Variants in WDPCP observed in about 807,000 individuals in gnomAD.
The protein encoded by WDPCP is WD repeat-containing and planar cell polarity effector protein fritz homolog.
A neutral mutation model predicts 93.1 loss-of-function variants in WDPCP; 71 were observed. The ratio of observed to expected loss-of-function variants is 0.76; its 90% confidence interval spans 0.63 to 0.93. The LOEUF (loss-of-function observed/expected upper bound fraction) is 0.93, where lower values mean the gene tolerates loss of function less well. WDPCP is among the 40% of genes least tolerant of loss of function. The pLI, the probability that WDPCP is intolerant of heterozygous loss-of-function variation, is 0.00. For missense variants in WDPCP, 844 were observed against 887.4 expected, an observed-to-expected ratio of 0.95 and a Z score of 0.62; for synonymous variants, 315 against 315.0, an observed-to-expected ratio of 1.00 and a Z score of 0.00.
chr2:63,474,521 A>G (rs1181475889), intron 6 of WDPCP, among the ~76,000 whole-genome samples: 1 of 152,158 alleles, frequency 6.6e-6, no homozygotes, highest in African/African-American at 2.4e-5. Context: ...TAAACTTACC[A>G]TTAATATCTG....
Position 63,404,226 on chromosome 2 carries a change from G to C in WDPCP, c.1257C>G (p.Asp419Glu). The C allele has an allele frequency of 6.2e-7, 1 of 1,613,724 alleles. No individual in the cohort carries two copies. Among genetic ancestry groups the C allele is most frequent in the Non-Finnish European group, 8.5e-7 (1 of 1,179,768 alleles). The change falls in exon 10 of 18, where the codon GAC becomes GAG. Residue 419 changes from aspartate (D) to glutamate (E), a missense_variant. By Grantham distance (45) the Asp-to-Glu change is conservative. Transcript: ENST00000272321. ...SPINIQLLAE[D>E]RLPRETLQFS... is the part of the protein sequence containing the mutation. ...ATTGCAGAGTCTCCCTGGGTAAGCG[G>C]TCTTCAGCCAACAGTTGGATGTTAA...
chr2:63,731,410 A>G (rs918833811), intron 2 of WDPCP, among the ~76,000 whole-genome samples: 1 of 152,208 alleles, frequency 6.6e-6, no homozygotes, highest in Non-Finnish European at 1.5e-5. Context: ...ATAATGTACA[A>G]TTCAGTGACA....
chr2:63,443,989 T>A (rs555240438), intron 6 of WDPCP, among the ~76,000 whole-genome samples: 1 of 152,222 alleles, frequency 6.6e-6, no homozygotes, highest in East Asian at 1.9e-4. Context: ...AGTGGAGAGA[T>A]CTAGTACATA....
intron 14 of WDPCP, among the ~76,000 whole-genome samples, chr2:63,256,451 A>G (rs541982938): frequency 3.3e-5 from 5 of 152,196 alleles, no homozygotes; most frequent in Non-Finnish European, 7.3e-5. Flanking sequence ...GACAATATCA[A>G]GCATCATTGA....
intron 6 of WDPCP, chr2:63,441,269 T>C (rs1697484663): frequency 6.6e-6 from 1 of 152,066 alleles, no homozygotes; most frequent in Non-Finnish European, 1.5e-5. Context: ...CCACATACCT[T>C]AATGGCAAAT....
At chr2:63,537,108 C>T (rs1345644487) in intron 1 of WDPCP, among the ~76,000 whole-genome samples, 1 of 152,136 alleles carries the variant, frequency 6.6e-6, no homozygotes, top group Non-Finnish European at 1.5e-5. Flanking sequence ...TGCTTTCAGA[C>T]TCCTTCCTTG....
chr2:63,787,187 T>C (rs1670480131), intron 2 of WDPCP, among the ~76,000 whole-genome samples: 1 of 152,174 alleles, frequency 6.6e-6, no homozygotes, highest in Non-Finnish European at 1.5e-5. Flanking sequence ...TTTTAAAGAA[T>C]AAGGTATTAG....
upstream of WDPCP, chr2:63,588,799 T>A: frequency 5.5e-6 from 3 of 549,624 alleles, no homozygotes; most frequent in Non-Finnish European, 9.8e-6. Flanking sequence ...CAGAGCGCAG[T>A]GAGAAGAGCT....
intron 3 of WDPCP, among the ~76,000 whole-genome samples, chr2:63,640,450 C>T (rs1349585063): frequency 1.3e-5 from 2 of 152,174 alleles, no homozygotes; most frequent in Non-Finnish European, 2.9e-5. Flanking sequence ...GCTGTGATCA[C>T]ATCACTGCAC....
chr2:63,529,355 T>C (rs887699303), intron 1 of WDPCP, among the ~76,000 whole-genome samples: 1 of 152,156 alleles, frequency 6.6e-6, no homozygotes, highest in Non-Finnish European at 1.5e-5. Flanking sequence ...GCGGGTTTGT[T>C]GTAAATAGCT....
intron 17 of WDPCP, among the ~76,000 whole-genome samples, chr2:63,143,549 T>C (rs1423608152): frequency 6.6e-6 from 1 of 152,248 alleles, no homozygotes; most frequent in East Asian, 1.9e-4. Flanking sequence ...TGATTTATGC[T>C]TTAAAGAGGT....
chr2:63,778,205 T>C (rs1670332934), intron 2 of WDPCP, among the ~76,000 whole-genome samples: 1 of 121,292 alleles, frequency 8.2e-6, no homozygotes, highest in South Asian at 2.4e-4. Flanking sequence ...TGTCCACTTG[T>C]TTTTTGTTTT....
intron 2 of WDPCP, among the ~76,000 whole-genome samples, chr2:63,715,861 C>T (rs1446873574): frequency 1.3e-5 from 2 of 151,990 alleles, no homozygotes; most frequent in Non-Finnish European, 2.9e-5. Context: ...GGACCTAGAC[C>T]CAGTGAGGGC....
chr2:63,520,624 G>T (rs1039746933), intron 1 of WDPCP, among the ~76,000 whole-genome samples: 9 of 152,120 alleles, frequency 5.9e-5, no homozygotes, highest in African/African-American at 2.2e-4. Flanking sequence ...AGGCGTGATG[G>T]CTCACACCTG....
intron 2 of WDPCP, among the ~76,000 whole-genome samples, chr2:63,681,162 G>C (rs1710487999): frequency 6.6e-6 from 1 of 152,134 alleles, no homozygotes; most frequent in Non-Finnish European, 1.5e-5. Context: ...AAAAGCAGAA[G>C]GAAAACTGAG....
intron 14 of WDPCP, among the ~76,000 whole-genome samples, chr2:63,188,670 T>C (rs1361646459): frequency 6.6e-6 from 1 of 152,186 alleles, no homozygotes; most frequent in East Asian, 1.9e-4. Flanking sequence ...TTTGTTGATA[T>C]TCTTATTTTG....
chr2:63,507,531 A>G (rs1371625384), intron 1 of WDPCP, among the ~76,000 whole-genome samples: 1 of 152,102 alleles, frequency 6.6e-6, no homozygotes, highest in African/African-American at 2.4e-5. Context: ...TAAACCCAAG[A>G]AGGCGGATGA....
At chr2:63,757,490 C>T (rs887294403) in intron 2 of WDPCP, among the ~76,000 whole-genome samples, 11 of 152,148 alleles carry the variant, frequency 7.2e-5, no homozygotes, top group Non-Finnish European at 1.3e-4. Context: ...ATACCTCACC[C>T]AGATGTCACA....
chr2:63,157,873 C>T (rs953650165), intron 15 of WDPCP, among the ~76,000 whole-genome samples: 2 of 151,976 alleles, frequency 1.3e-5, no homozygotes, highest in African/African-American at 4.8e-5. Context: ...GATATATGCT[C>T]TTTATTATTT....
Sources: gnomAD v4.1 joint callset for allele counts (sites outside exome capture counted in the v4.1 genomes callset) on GRCh38, gnomAD v4.1.1 for gene constraint, MANE v1.5 for transcripts, NCBI Gene and HGNC (gene_info 2026-07-23, HGNC 2026-07-21) for gene names.